RIMS2: variants seen among roughly 807,000 people sequenced by gnomAD.
RIMS2 encodes regulating synaptic membrane exocytosis 2, also known as regulating synaptic membrane exocytosis protein 2.
RIMS2 carries 59 observed loss-of-function variants against 174.4 expected under a neutral mutation model. The observed-to-expected ratio is 0.34, with a 90% CI of 0.27 to 0.42. RIMS2 has a LOEUF of 0.42. Ranked by LOEUF, RIMS2 falls within the 10% of genes least tolerant of loss-of-function variation. The probability of loss-of-function intolerance (pLI) is 1.00; values close to 1 mark genes in which losing one functional copy is unlikely to be tolerated. For missense variants in RIMS2, 1,620 were observed against 1,666.3 expected, an observed-to-expected ratio of 0.97 and a Z score of 0.48; for synonymous variants, 606 against 572.5, an observed-to-expected ratio of 1.06 and a Z score of -0.84.
At chr8:103,576,527 C>T (rs2093252383) in intron 1 of RIMS2, among the ~76,000 whole-genome samples, 1 of 152,148 alleles carries the variant, frequency 6.6e-6, no homozygotes, top group Non-Finnish European at 1.5e-5. Context: ...CATATGTGAA[C>T]TCTCTTAAGA....
At chr8:104,092,650 A>T (rs1016987511) in intron 19 of RIMS2, among the ~76,000 whole-genome samples, 2 of 151,838 alleles carry the variant, frequency 1.3e-5, no homozygotes, top group Non-Finnish European at 2.9e-5. Flanking sequence ...GCTCAAATTT[A>T]CTCAACTAGT....
intron 3 of RIMS2, among the ~76,000 whole-genome samples, chr8:103,870,381 A>G (rs1332063996): frequency 6.6e-6 from 1 of 151,786 alleles, no homozygotes; most frequent in East Asian, 1.9e-4. Context: ...CACCACCACC[A>G]GCACCACCAC....
At position 104,014,626 on chromosome 8, in the gene RIMS2, T is replaced by C; in HGVS notation, c.3334+11T>C. The C allele has an allele frequency of 6.6e-7, 1 of 1,513,968 alleles. No individual in the cohort carries two copies. The highest frequency in any genetic ancestry group is 9.2e-7 in the Non-Finnish European group (1 of 1,089,298). 93.8% of individuals were successfully genotyped at this position (1,513,968 alleles called of 1,614,324 possible). A position where few individuals can be genotyped will look rare whatever the true frequency, so the allele number is the denominator to read the frequency against. The stretch of plus-strand genomic sequence containing the variant: ...GAACGTTGGATAGAAGTAAGTTTTA[T>C]TTCTAATTGTCTCGTTTAGGAAATA... On this transcript the variant is annotated intron_variant, in intron 19 of 23. Coordinates refer to ENST00000504942, the Ensembl canonical transcript of RIMS2.
At chr8:103,831,102 C>T (rs900612155) in intron 3 of RIMS2, among the ~76,000 whole-genome samples, 1 of 152,144 alleles carries the variant, frequency 6.6e-6, no homozygotes, top group Non-Finnish European at 1.5e-5. Context: ...AGCCATCGTG[C>T]CTGGATTATG....
chr8:103,594,846 A>G (rs1441820883), intron 1 of RIMS2, among the ~76,000 whole-genome samples: 1 of 151,800 alleles, frequency 6.6e-6, no homozygotes, highest in Admixed American at 6.6e-5. Flanking sequence ...ATATATAAGT[A>G]TGTTTCACCT....
At chr8:103,608,325 C>T (rs1369899814) in intron 1 of RIMS2, among the ~76,000 whole-genome samples, 3 of 143,440 alleles carry the variant, frequency 2.1e-5, no homozygotes, top group Non-Finnish European at 4.6e-5. Flanking sequence ...GTCAGGGACC[C>T]ACTTGAGGAG....
chr8:103,721,146 T>C (rs1320988805), intron 2 of RIMS2, among the ~76,000 whole-genome samples: 1 of 152,178 alleles, frequency 6.6e-6, no homozygotes, highest in Non-Finnish European at 1.5e-5. Flanking sequence ...GCTCTGGCCA[T>C]GTAAGATGTG....
intron 3 of RIMS2, among the ~76,000 whole-genome samples, chr8:103,870,641 T>C (rs2099106846): frequency 6.6e-6 from 1 of 152,026 alleles, no homozygotes; most frequent in Non-Finnish European, 1.5e-5. Flanking sequence ...CAAATCTTAC[T>C]CATTTTGCCC....
intron 19 of RIMS2, among the ~76,000 whole-genome samples, chr8:104,074,656 A>C (rs1378294298): frequency 6.6e-6 from 1 of 152,158 alleles, no homozygotes; most frequent in African/African-American, 2.4e-5. Context: ...AATTTAGAGG[A>C]AAAAAATTTA....
intron 4 of RIMS2, among the ~76,000 whole-genome samples, chr8:103,903,680 C>T (rs1007058584): frequency 7.2e-5 from 11 of 152,038 alleles, no homozygotes; most frequent in Non-Finnish European, 1.2e-4. Flanking sequence ...AACTGAATAC[C>T]AGAGTTAGAC....
chr8:103,837,130 C>T (rs1193724798), intron 3 of RIMS2, among the ~76,000 whole-genome samples: 1 of 152,172 alleles, frequency 6.6e-6, no homozygotes, highest in East Asian at 1.9e-4. Context: ...AACACTCCAC[C>T]TATTTACTGT....
intron 3 of RIMS2, among the ~76,000 whole-genome samples, chr8:103,786,003 G>A (rs1312633517): frequency 6.6e-6 from 1 of 152,196 alleles, no homozygotes; most frequent in Non-Finnish European, 1.5e-5. Flanking sequence ...TCTTGGGAGA[G>A]TGTATGTGTC....
At chr8:104,203,675 T>G (rs2099066306) in intron 19 of RIMS2, among the ~76,000 whole-genome samples, 1 of 151,958 alleles carries the variant, frequency 6.6e-6, no homozygotes, top group Non-Finnish European at 1.5e-5. Context: ...AGCTAATTTT[T>G]GTAATTTTAG....
chr8:103,515,444 C>A (rs1182029981), intron 1 of RIMS2, among the ~76,000 whole-genome samples: 2 of 152,152 alleles, frequency 1.3e-5, no homozygotes, highest in Non-Finnish European at 2.9e-5. Flanking sequence ...GAATCACTTA[C>A]AATTTCAATG....
intron 19 of RIMS2, among the ~76,000 whole-genome samples, chr8:104,051,417 C>T (rs768434194): frequency 6.6e-6 from 1 of 151,824 alleles, no homozygotes; most frequent in African/African-American, 2.4e-5. Flanking sequence ...GATTATAGAT[C>T]GTGCTGAGTA....
At chr8:103,501,878 G>T (rs372807112) in intron 1 of RIMS2, among the ~76,000 whole-genome samples, 1 of 152,224 alleles carries the variant, frequency 6.6e-6, no homozygotes, top group South Asian at 2.1e-4. Context: ...CAGCACCCAG[G>T]CATGCGTTTA....
chr8:103,756,679 C>G (rs1284998938), intron 2 of RIMS2, among the ~76,000 whole-genome samples: 1 of 152,046 alleles, frequency 6.6e-6, no homozygotes, highest in Non-Finnish European at 1.5e-5. Context: ...GCCCACTCAG[C>G]CTTCCAAAGT....
At chr8:104,217,615 G>A (rs773563592) in intron 19 of RIMS2, among the ~76,000 whole-genome samples, 13 of 152,066 alleles carry the variant, frequency 8.5e-5, no homozygotes, top group Non-Finnish European at 1.5e-4. Flanking sequence ...GTTTCGGGTC[G>A]ACCAGCTACT....
intron 19 of RIMS2, among the ~76,000 whole-genome samples, chr8:104,199,462 C>T (rs2099043180): frequency 6.6e-6 from 1 of 152,204 alleles, no homozygotes; most frequent in African/African-American, 2.4e-5. Context: ...ATTTCATCTT[C>T]TATTTTTAAG....
Sources: allele counts gnomAD v4.1 joint callset (sites outside exome capture counted in the v4.1 genomes callset), GRCh38; gene constraint gnomAD v4.1.1; transcripts MANE v1.5; gene names NCBI Gene and HGNC (gene_info 2026-07-23, HGNC 2026-07-21).